The following NRG1 variants were observed in gnomAD, a reference collection of about 807,000 sequenced individuals.
NRG1 encodes neuregulin 1.
NRG1 carries 18 observed loss-of-function variants against 63.8 expected under a neutral mutation model. The ratio of observed to expected loss-of-function variants is 0.28; its 90% confidence interval spans 0.19 to 0.42. The LOEUF (loss-of-function observed/expected upper bound fraction) is 0.42. Ranked by LOEUF, NRG1 falls within the 10% of genes least tolerant of loss-of-function variation. NRG1 has a pLI of 1.00. For missense variants in NRG1, 762 were observed against 814.7 expected (o/e 0.94, Z 0.79); for synonymous variants, 302 against 301.3 (o/e 1.00, Z -0.02).
At chr8:31,642,981 T>A (rs1474649784) in intron 1 of NRG1, among the ~76,000 whole-genome samples, 2 of 87,766 alleles carry the variant, frequency 2.3e-5, no homozygotes, top group African/African-American at 4.9e-5. Context: ...AGTGTAAAAG[T>A]GTGTGTGTGT....
exon 1 of NRG1, chr8:32,548,511 G>C (rs984923321): frequency 3.6e-5 from 45 of 1,235,888 alleles, no homozygotes; most frequent in Non-Finnish European, 4.3e-5. Context: ...CCGAGAGCCA[G>C]GGCGAGCGCC....
At chr8:32,538,282 T>C (rs1376007905) in intron 1 of NRG1, among the ~76,000 whole-genome samples, 1 of 152,160 alleles carries the variant, frequency 6.6e-6, no homozygotes, top group Admixed American at 6.5e-5. Context: ...CAACTATATG[T>C]AGGGACTCTT....
At chr8:31,757,351 A>G (rs1490936479) in intron 1 of NRG1, among the ~76,000 whole-genome samples, 1 of 152,160 alleles carries the variant, frequency 6.6e-6, no homozygotes, top group Non-Finnish European at 1.5e-5. Context: ...TGGCTTTCAC[A>G]AATCTCAGTC....
chr8:32,424,267 A>T (rs1202949336), intron 1 of NRG1, among the ~76,000 whole-genome samples: 3 of 151,986 alleles, frequency 2.0e-5, no homozygotes, highest in African/African-American at 7.2e-5. Context: ...CTAGTCCTAC[A>T]TTGTAGGACT....
chr8:31,711,604 A>G (rs1470253029), intron 1 of NRG1, among the ~76,000 whole-genome samples: 1 of 151,918 alleles, frequency 6.6e-6, no homozygotes, highest in Non-Finnish European at 1.5e-5. Flanking sequence ...ACTTTTGGGG[A>G]GCTTATATCT....
intron 5 of NRG1, among the ~76,000 whole-genome samples, chr8:32,623,470 A>G (rs1177044704): frequency 1.3e-5 from 2 of 152,226 alleles, no homozygotes; most frequent in African/African-American, 4.8e-5. Context: ...TTCTATAAAC[A>G]TGGCATTTTT....
chr8:31,965,137 C>CAT (rs1491028715), intron 1 of NRG1, among the ~76,000 whole-genome samples: 8 of 151,808 alleles, frequency 5.3e-5, no homozygotes, highest in East Asian at 1.9e-4. Context: ...TATTCCATGG[C>CAT]ATATATATAT....
chr8:32,412,437 T>TATATATATAC (rs1815172412), intron 1 of NRG1, among the ~76,000 whole-genome samples: 1 of 33,820 alleles, frequency 3.0e-5, no homozygotes, highest in Admixed American at 3.3e-4. Flanking sequence ...TATATATATA[T>TATATATATAC]ATATATATAT....
intron 5 of NRG1, among the ~76,000 whole-genome samples, chr8:32,627,938 C>A (rs533972178): frequency 7.8e-4 from 118 of 152,256 alleles, no homozygotes; most frequent in Non-Finnish European, 1.3e-3. Flanking sequence ...TTCTGCATGA[C>A]AAAATATTTA....
chr8:31,903,729 C>T (rs1405475469), intron 1 of NRG1, among the ~76,000 whole-genome samples: 1 of 152,004 alleles, frequency 6.6e-6, no homozygotes, highest in Non-Finnish European at 1.5e-5. Context: ...CCGAGGTGGG[C>T]AGATCACTTG....
chr8:32,526,999 T>C (rs1002599053), intron 1 of NRG1, among the ~76,000 whole-genome samples: 7 of 152,194 alleles, frequency 4.6e-5, no homozygotes, highest in Non-Finnish European at 7.3e-5. Flanking sequence ...CTTACATTTA[T>C]ATCTCCAGCT....
chr8:31,712,255 C>CTTTTTTTTTTTTTTT lies in NRG1; in HGVS notation c.37+72840_37+72854dup, dbSNP rs57363109. Among the ~76,000 whole-genome samples, 55 of 72,352 alleles carry CTTTTTTTTTTTTTTT rather than the reference C, an allele frequency of 7.6e-4. 7 individuals are homozygous for CTTTTTTTTTTTTTTT. The highest frequency in any genetic ancestry group is 1.1e-3 in the African/African-American group (19 of 17,144). The allele number at this position is 72,352 out of a possible 152,430, so 47.5% of individuals were successfully genotyped here. A position where few individuals can be genotyped will look rare whatever the true frequency, so the allele number is the denominator to read the frequency against. The stretch of plus-strand genomic sequence containing the variant: ...TGACTTCCTGTTTCTTCTTCATGAT[C>CTTTTTTTTTTTTTTT]TTTTTTTTTTTTTTTTTTTTTTTTT... On this transcript the variant is annotated intron_variant, in intron 1 of 10. Coordinates refer to the NRG1 transcript ENST00000519301.
At chr8:31,994,318 C>T (rs1811559744) in intron 1 of NRG1, among the ~76,000 whole-genome samples, 1 of 151,818 alleles carries the variant, frequency 6.6e-6, no homozygotes, top group Admixed American at 6.6e-5. Context: ...GCTAGATGTT[C>T]ACTTAGGTAA....
intron 6 of NRG1, among the ~76,000 whole-genome samples, chr8:32,729,799 C>A (rs1447387649): frequency 6.6e-6 from 1 of 152,110 alleles, no homozygotes; most frequent in African/African-American, 2.4e-5. Flanking sequence ...ATTTTGTAGG[C>A]CATGTTTTGC....
chr8:32,030,809 C>T (rs746186038), intron 1 of NRG1, among the ~76,000 whole-genome samples: 28 of 152,082 alleles, frequency 1.8e-4, no homozygotes, highest in East Asian at 5.8e-4. Context: ...GGCAGGGAGA[C>T]GGGTCAAACA....
intron 1 of NRG1, among the ~76,000 whole-genome samples, chr8:32,493,651 A>G (rs997172818): frequency 2.6e-5 from 4 of 152,226 alleles, no homozygotes; most frequent in Non-Finnish European, 5.9e-5. Context: ...ACATTAAAGG[A>G]GATTGTTATT....
At chr8:31,767,997 A>G (rs1818246930) in intron 1 of NRG1, among the ~76,000 whole-genome samples, 1 of 152,200 alleles carries the variant, frequency 6.6e-6, no homozygotes, top group Non-Finnish European at 1.5e-5. Flanking sequence ...AAGAACAAGA[A>G]CTGCCACCCA....
At chr8:32,474,653 T>C (rs900048439) in intron 1 of NRG1, among the ~76,000 whole-genome samples, 2 of 151,924 alleles carry the variant, frequency 1.3e-5, no homozygotes, top group Non-Finnish European at 2.9e-5. Flanking sequence ...CCACCACGCC[T>C]AGCTAATTTT....
At chr8:32,152,330 T>C (rs942460476) in intron 1 of NRG1, among the ~76,000 whole-genome samples, 1 of 152,204 alleles carries the variant, frequency 6.6e-6, no homozygotes, top group Non-Finnish European at 1.5e-5. Flanking sequence ...AAGTTTAACT[T>C]TTATTTTTAA....
Sources: gnomAD v4.1 joint callset for allele counts (sites outside exome capture counted in the v4.1 genomes callset) on GRCh38, gnomAD v4.1.1 for gene constraint, MANE v1.5 for transcripts, NCBI Gene and HGNC (gene_info 2026-07-23, HGNC 2026-07-21) for gene names.